The following RGS20 variants were observed in gnomAD, a reference collection of about 807,000 sequenced individuals.
RGS20 encodes the protein gz-selective GTPase-activating protein.
A neutral mutation model predicts 33.6 loss-of-function variants in RGS20; 30 were observed. The ratio of observed to expected loss-of-function variants is 0.89; its 90% confidence interval spans 0.67 to 1.21. The LOEUF is 1.21. Ranked by LOEUF, RGS20 falls within the 50% of genes most tolerant of loss-of-function variation. The pLI is 0.00. For missense variants in RGS20, 472 were observed against 502.4 expected (o/e 0.94, Z 0.58); for synonymous variants, 208 against 197.9 (o/e 1.05, Z -0.43).
intron 2 of RGS20, among the ~76,000 whole-genome samples, chr8:53,891,047 A>G (rs922385858): frequency 1.3e-5 from 2 of 152,168 alleles, no homozygotes; most frequent in Non-Finnish European, 2.9e-5. Flanking sequence ...CATTTGATAA[A>G]TGTCTTGTAG....
chr8:53,881,086 T>C lies in RGS20; in HGVS notation c.510+1484T>C. 6.7e-7 allele frequency: 1 copy of C among 1,498,314 alleles called. No individual in the cohort carries two copies. Among genetic ancestry groups the C allele is most frequent in the Non-Finnish European group, 8.8e-7 (1 of 1,132,600 alleles). The allele number at this position is 1,498,314 out of a possible 1,614,324, so 92.8% of individuals were successfully genotyped here. On this transcript the variant is annotated intron_variant, in intron 2 of 5. Coordinates refer to ENST00000297313, the MANE Select transcript of RGS20 (RefSeq NM_170587.4). The stretch of plus-strand genomic sequence containing the variant: ...GCCGGCAGGGTGGACGGTGGGCTCG[T>C]GAGTATCCCAGTTCCTCGAACTCTC...
At chr8:53,942,712 G>A (rs1026895283) in intron 3 of RGS20, among the ~76,000 whole-genome samples, 2 of 152,006 alleles carry the variant, frequency 1.3e-5, no homozygotes, top group Non-Finnish European at 2.9e-5. Flanking sequence ...AAATAAGTTA[G>A]GCGTGGTGGC....
At position 53,877,407 on chromosome 8, in the gene RGS20, C is replaced by T. The variant is rs139950698; in HGVS notation, c.166-1851C>T. Among the ~76,000 whole-genome samples the T allele has an allele frequency of 0.011, 1,745 of 152,286 alleles. 20 individuals carry two copies. The highest frequency in any genetic ancestry group is 0.03 in the African/African-American group (1,259 of 41,568). On this transcript the variant is annotated intron_variant, in intron 1 of 5. Coordinates refer to ENST00000297313, the MANE Select transcript of RGS20 (RefSeq NM_170587.4). This position sits in a 1 kb window ranked among gnomAD's most constrained non-coding sequence, Gnocchi z 5.7. ...GCAGGTGCCGCCCAGGACTAGCTGC[C>T]CGGCGGAGGCCGAGCACGCTTGGCG...
At chr8:53,899,079 G>A (rs1812942870) in intron 2 of RGS20, among the ~76,000 whole-genome samples, 1 of 152,204 alleles carries the variant, frequency 6.6e-6, no homozygotes, top group Non-Finnish European at 1.5e-5. Flanking sequence ...TCCTTCAGAA[G>A]TCAGGCAGCT....
rs1056706538 is a variant in RGS20, at chr8:53,936,471, C to G, written c.511-3105C>G. On this transcript the variant is annotated intron_variant, in intron 2 of 5. Coordinates refer to ENST00000297313, the MANE Select transcript of RGS20 (RefSeq NM_170587.4). ...ACACCAAGAACAGACAAAAAGAGAG[C>G]CAAATCATGAGTGAACTCCGATTCA... Among the ~76,000 whole-genome samples the G allele has an allele frequency of 5.9e-5, 9 of 152,104 alleles. No homozygotes were observed. In the East Asian group the frequency reaches 1.2e-3, roughly 20 times the overall value.
At chr8:53,905,114 G>A (rs1272298857) in intron 2 of RGS20, among the ~76,000 whole-genome samples, 2 of 152,140 alleles carry the variant, frequency 1.3e-5, no homozygotes, top group East Asian at 3.8e-4. Context: ...TAAAAGATGA[G>A]GACATCTGTA....
chr8:53,923,439 A>G (rs1813705924), intron 2 of RGS20, among the ~76,000 whole-genome samples: 1 of 152,076 alleles, frequency 6.6e-6, no homozygotes, highest in Non-Finnish European at 1.5e-5. Flanking sequence ...TACAAAAAAT[A>G]TATAAATTAG....
intron 2 of RGS20, among the ~76,000 whole-genome samples, chr8:53,902,695 G>T (rs1191137184): frequency 6.6e-6 from 1 of 152,050 alleles, no homozygotes; most frequent in Non-Finnish European, 1.5e-5. Flanking sequence ...TGAAGAAAAA[G>T]ATAAGCTTTT....
intron 2 of RGS20, among the ~76,000 whole-genome samples, chr8:53,916,435 T>C (rs1463639970): frequency 6.6e-6 from 1 of 152,226 alleles, no homozygotes; most frequent in Non-Finnish European, 1.5e-5. Context: ...CTATTTTTCT[T>C]GGTAAAATAT....
chr8:53,908,513 G>A (rs111739731), intron 2 of RGS20, among the ~76,000 whole-genome samples: 8,200 of 152,100 alleles, frequency 0.054, 661 homozygotes, highest in African/African-American at 0.18. Context: ...AGTGGCAGGT[G>A]CCTGTAATCC....
rs373026971 is a variant in RGS20 at position 53,923,240 on chromosome 8, G to A, written c.511-16336G>A. Among the ~76,000 whole-genome samples, 72 of 152,188 alleles carry A rather than the reference G, an allele frequency of 4.7e-4. 1 individual carries two copies. Among genetic ancestry groups the A allele is most frequent in the African/African-American group, 1.7e-3 (70 of 41,528 alleles). ...AGCCACCGAACCTGGCCAATCCTAT[G>A]TCTTTTAAAGAAGCTAAGAAAAGAA... On this transcript the variant is annotated intron_variant, in intron 2 of 5. Transcript: ENST00000297313.
intron 2 of RGS20, among the ~76,000 whole-genome samples, chr8:53,925,181 T>C (rs1235639574): frequency 2.6e-5 from 4 of 152,160 alleles, no homozygotes; most frequent in Non-Finnish European, 4.4e-5. Context: ...TAGACTTTTC[T>C]TATCTGTCAT....
chr8:53,891,962 C>T (rs1812721740), intron 2 of RGS20, among the ~76,000 whole-genome samples: 2 of 151,760 alleles, frequency 1.3e-5, no homozygotes, highest in South Asian at 4.1e-4. Context: ...CATATGTATA[C>T]ATGTGCCATG....
intron 2 of RGS20, 131 bp from the exon 2 acceptor site, chr8:53,939,442 CGAG>C: frequency 2.1e-6 from 2 of 931,706 alleles, no homozygotes; most frequent in South Asian, 6.4e-5. Flanking sequence ...CTAAATTTTA[CGAG>C]AAGTAGCAAA....
At chr8:53,904,482 G>T (rs910569575) in intron 2 of RGS20, among the ~76,000 whole-genome samples, 2 of 152,088 alleles carry the variant, frequency 1.3e-5, no homozygotes, top group Non-Finnish European at 2.9e-5. Flanking sequence ...TGATTTGGCT[G>T]TTTTTTTCTA....
intron 2 of RGS20, among the ~76,000 whole-genome samples, chr8:53,903,044 A>T (rs1194455119): frequency 6.6e-6 from 1 of 152,318 alleles, no homozygotes; most frequent in Non-Finnish European, 1.5e-5. Flanking sequence ...ATTGATTCTT[A>T]TATTTTTGAC....
chr8:53,957,228 G>A (rs1814893344), intron 5 of RGS20, among the ~76,000 whole-genome samples: 1 of 152,224 alleles, frequency 6.6e-6, no homozygotes, highest in Non-Finnish European at 1.5e-5. Context: ...CCAGGTTCAA[G>A]CGATTCTCCT....
chr8:53,881,006 C>T (rs770595091), intron 2 of RGS20: 3 of 1,595,050 alleles, frequency 1.9e-6, no homozygotes, highest in Middle Eastern at 1.8e-4. Flanking sequence ...AGAAGGCACC[C>T]GCGGGACGCA....
intron 2 of RGS20, among the ~76,000 whole-genome samples, chr8:53,899,109 A>C (rs946074645): frequency 6.6e-6 from 1 of 152,204 alleles, no homozygotes; most frequent in East Asian, 1.9e-4. Flanking sequence ...ACTAACTACA[A>C]TGCTGTGCGA....
Sources: gnomAD v4.1 joint callset for allele counts (sites outside exome capture counted in the v4.1 genomes callset) on GRCh38, gnomAD v4.1.1 for gene constraint, Gnocchi (gnomAD v3.1) non-coding constraint, MANE v1.5 for transcripts, NCBI Gene and HGNC (gene_info 2026-07-23, HGNC 2026-07-21) for gene names.